Variants in EPM2A observed in about 807,000 individuals in gnomAD.
EPM2A encodes the protein EPM2A glucan phosphatase, laforin.
EPM2A carries 21 observed loss-of-function variants against 26.5 expected under a neutral mutation model. The observed-to-expected ratio is 0.79, with a 90% CI of 0.56 to 1.14. The LOEUF (loss-of-function observed/expected upper bound fraction) is 1.14, where lower values mean the gene tolerates loss of function less well. EPM2A is among the 50% of genes most tolerant of loss of function. The pLI, the probability that EPM2A is intolerant of heterozygous loss-of-function variation, is 0.00. For missense variants in EPM2A, 458 were observed against 440.8 expected, an observed-to-expected ratio of 1.04 and a Z score of -0.35; for synonymous variants, 217 against 177.6, an observed-to-expected ratio of 1.22 and a Z score of -1.76.
intron 4 of EPM2A, among the ~76,000 whole-genome samples, chr6:145,487,301 T>C (rs1400592327): frequency 2.0e-5 from 3 of 152,180 alleles, no homozygotes; most frequent in Non-Finnish European, 4.4e-5. Context: ...ACAATGAACA[T>C]ATGTGTGCAT....
intron 2 of EPM2A, among the ~76,000 whole-genome samples, chr6:145,650,272 C>A (rs756606762): frequency 1.3e-5 from 2 of 152,004 alleles, no homozygotes; most frequent in African/African-American, 4.8e-5. Context: ...TGTCCTTGAC[C>A]GGGTGCGGTG....
intron 1 of EPM2A, among the ~76,000 whole-genome samples, chr6:145,726,586 T>G (rs1776217325): frequency 1.3e-5 from 2 of 152,108 alleles, no homozygotes; most frequent in Admixed American, 1.3e-4. Context: ...ATGTTAATAG[T>G]ATAGATCCTT....
chr6:145,428,908 AG>A (rs1778886631), intron 4 of EPM2A, among the ~76,000 whole-genome samples: 1 of 152,214 alleles, frequency 6.6e-6, no homozygotes, highest in South Asian at 2.1e-4. Flanking sequence ...AGTGCTGAAA[AG>A]CTATCCTTAG....
At chr6:145,562,128 G>GTA (rs1562383098) in intron 2 of EPM2A, among the ~76,000 whole-genome samples, 1 of 135,414 alleles carries the variant, frequency 7.4e-6, no homozygotes, top group African/African-American at 2.7e-5. Flanking sequence ...TTACAAAAAG[G>GTA]AAAAAAAAAA....
chr6:145,704,179 CTTCATTAAAG>C (rs769799638), intron 1 of EPM2A, among the ~76,000 whole-genome samples: 21 of 152,090 alleles, frequency 1.4e-4, no homozygotes, highest in Non-Finnish European at 2.5e-4. Context: ...GTCACATTTA[CTTCATTAAAG>C]ATTTTTTAAA....
intron 4 of EPM2A, among the ~76,000 whole-genome samples, chr6:145,432,088 C>T (rs1322873642): frequency 6.6e-6 from 1 of 152,184 alleles, no homozygotes; most frequent in Non-Finnish European, 1.5e-5. Context: ...ACTACTGACT[C>T]TAGTTCACTT....
chr6:145,398,286 T>A (rs1778433931), intron 4 of EPM2A, among the ~76,000 whole-genome samples: 1 of 152,176 alleles, frequency 6.6e-6, no homozygotes, highest in Non-Finnish European at 1.5e-5. Flanking sequence ...CTCTGTTATC[T>A]CAAAGACAAT....
chr6:145,723,915 G>C (rs561975778), intron 1 of EPM2A, among the ~76,000 whole-genome samples: 5 of 152,222 alleles, frequency 3.3e-5, no homozygotes, highest in Admixed American at 2.6e-4. Context: ...AACTTTGACA[G>C]AGTCATACAA....
At chr6:145,492,471 A>G (rs907389406) in intron 4 of EPM2A, among the ~76,000 whole-genome samples, 3 of 152,158 alleles carry the variant, frequency 2.0e-5, no homozygotes, top group Non-Finnish European at 4.4e-5. Context: ...GCCTTTTCAC[A>G]TGAGGTGGTT....
At chr6:145,575,749 G>A (rs1781022159) in intron 2 of EPM2A, among the ~76,000 whole-genome samples, 1 of 152,174 alleles carries the variant, frequency 6.6e-6, no homozygotes. Flanking sequence ...AAGACTATCA[G>A]TGTTCTCCAT....
intron 4 of EPM2A, among the ~76,000 whole-genome samples, chr6:145,466,743 C>A (rs1189346278): frequency 6.6e-6 from 1 of 152,132 alleles, no homozygotes; most frequent in Admixed American, 6.6e-5. Context: ...GGAACCAACC[C>A]AAATGTCCAA....
At chr6:145,623,727 G>A (rs1775685778), downstream of EPM2A, among the ~76,000 whole-genome samples, 1 of 152,206 alleles carries the variant, frequency 6.6e-6, no homozygotes, top group African/African-American at 2.4e-5. Flanking sequence ...AAGGGGCTGG[G>A]AGGGAAGGCC....
downstream of EPM2A, among the ~76,000 whole-genome samples, chr6:145,500,123 G>C (rs534828944): frequency 6.6e-6 from 1 of 152,158 alleles, no homozygotes; most frequent in African/African-American, 2.4e-5. Flanking sequence ...ATTAGAGCTG[G>C]GTAAAAAGAA....
intron 4 of EPM2A, among the ~76,000 whole-genome samples, chr6:145,398,143 C>G (rs1390222901): frequency 6.6e-6 from 1 of 151,968 alleles, no homozygotes; most frequent in East Asian, 1.9e-4. Flanking sequence ...TAGGCCTGTG[C>G]ATGCCAACAA....
At chr6:145,685,672 AAAT>A (rs1780852279) in intron 2 of EPM2A, among the ~76,000 whole-genome samples, 1 of 152,224 alleles carries the variant, frequency 6.6e-6, no homozygotes, top group Non-Finnish European at 1.5e-5. Context: ...AAATATTAAC[AAAT>A]AATAAAGCAG....
At chr6:145,560,619 C>T (rs1362351448) in intron 2 of EPM2A, among the ~76,000 whole-genome samples, 1 of 152,092 alleles carries the variant, frequency 6.6e-6, no homozygotes, top group Non-Finnish European at 1.5e-5. Flanking sequence ...AAATTAATTT[C>T]CAGTTAATTA....
chr6:145,529,980 T>C (rs1780331815), intron 2 of EPM2A, among the ~76,000 whole-genome samples: 1 of 152,288 alleles, frequency 6.6e-6, no homozygotes, highest in African/African-American at 2.4e-5. Flanking sequence ...ATAAATTTGG[T>C]AAGAGACTCC....
In EPM2A at chr6:145,470,252, C is replaced by T. The variant is rs185665200; in HGVS notation, c.555+32270G>A. On this transcript the variant is annotated intron_variant, in intron 4 of 4. Transcript: ENST00000638717. ...CATTTTCCCTGATCTGATTATTATA[C>T]ATTGTATTTCTGTATCAAAATATTT... Among the ~76,000 whole-genome samples the T allele has an allele frequency of 1.6e-3, 241 of 151,836 alleles. 1 individual carries two copies. The highest frequency in any genetic ancestry group is 0.012 in the South Asian group (58 of 4,806).
rs1775840771 is a variant in EPM2A at position 145,626,772 on chromosome 6, G to A, written c.*644C>T. 1 of 985,580 alleles carries A rather than the reference G, an allele frequency of 1.0e-6. No homozygotes were observed. Among genetic ancestry groups the A allele is most frequent in the African/African-American group, 1.8e-5 (1 of 57,078 alleles). The allele number at this position is 985,580 out of a possible 1,614,324, so 61.1% of individuals were successfully genotyped here. A position where few individuals can be genotyped will look rare whatever the true frequency, so the allele number is the denominator to read the frequency against. ...ATTTTTTGCTTTGTTTGGTAATTTT[G>A]AGGAAAAACAACAACAAATGAGAGA... On this transcript the variant is annotated 3_prime_UTR_variant, in exon 4 of 4. Coordinates refer to ENST00000367519, the MANE Select transcript of EPM2A (RefSeq NM_005670.4).
Sources: gnomAD v4.1 joint callset for allele counts (sites outside exome capture counted in the v4.1 genomes callset) on GRCh38, gnomAD v4.1.1 for gene constraint, MANE v1.5 for transcripts, NCBI Gene and HGNC (gene_info 2026-07-23, HGNC 2026-07-21) for gene names.